Variants in AHI1 observed in about 807,000 individuals in gnomAD.
The protein encoded by AHI1 is jouberin.
A neutral mutation model predicts 149.3 loss-of-function variants in AHI1; 123 were observed. The ratio of observed to expected loss-of-function variants is 0.82; its 90% confidence interval spans 0.71 to 0.96. The LOEUF (loss-of-function observed/expected upper bound fraction) is 0.96, where lower values mean the gene tolerates loss of function less well. Ranked by LOEUF, AHI1 falls within the 40% of genes least tolerant of loss-of-function variation. The pLI is 0.00. For synonymous variants in AHI1, 475 were observed against 459.8 expected, an observed-to-expected ratio of 1.03 and a Z score of -0.42; for missense variants, 1,439 against 1,422.7, an observed-to-expected ratio of 1.01 and a Z score of -0.18.
intron 23 of AHI1, among the ~76,000 whole-genome samples, chr6:135,378,262 A>T (rs1235381299): frequency 6.6e-6 from 1 of 152,152 alleles, no homozygotes; most frequent in East Asian, 1.9e-4. Flanking sequence ...TTTATTCCCA[A>T]ATATTAGTCA....
intron 24 of AHI1, among the ~76,000 whole-genome samples, chr6:135,341,264 TAC>T (rs1293606681): frequency 5.9e-5 from 9 of 152,106 alleles, no homozygotes; most frequent in African/African-American, 2.2e-4. Flanking sequence ...GAAAAAGACA[TAC>T]CATGCAAATG....
At chr6:135,471,463 G>T (rs1791676769) in intron 5 of AHI1, among the ~76,000 whole-genome samples, 1 of 152,028 alleles carries the variant, frequency 6.6e-6, no homozygotes, top group African/African-American at 2.4e-5. Context: ...AGCTTTATGG[G>T]ATAAATTCCC....
chr6:135,420,520 T>C (rs1782999127), intron 20 of AHI1, among the ~76,000 whole-genome samples: 2 of 152,190 alleles, frequency 1.3e-5, no homozygotes. Context: ...GATAACTTGC[T>C]ACAGCTTCTA....
At chr6:135,397,773 T>C (rs192197081) in intron 22 of AHI1, among the ~76,000 whole-genome samples, 11 of 152,262 alleles carry the variant, frequency 7.2e-5, no homozygotes, top group Admixed American at 2.0e-4. Flanking sequence ...TTTCCATGTA[T>C]ACTTACAAGT....
chr6:135,483,953 C>T (rs540737832), intron 5 of AHI1, among the ~76,000 whole-genome samples: 17 of 152,260 alleles, frequency 1.1e-4, no homozygotes, highest in East Asian at 9.7e-4. Flanking sequence ...ATTTTCACAC[C>T]GCTGATAAAG....
chr6:135,348,555 AAAAAT>A lies in AHI1; in HGVS notation c.3165+9572_3165+9576del, dbSNP rs370562553. On this transcript the variant is annotated intron_variant, in intron 24 of 28. Transcript: ENST00000265602. ...TAACACTCCTCATGCAAAATTACTT[AAAAAT>A]AAAAACTTAAATTGCCTGCAGGAAA... Among the ~76,000 whole-genome samples the A allele has an allele frequency of 2.5e-3, 382 of 152,314 alleles. 5 individuals are homozygous for A. The highest frequency in any genetic ancestry group is 8.4e-3 in the African/African-American group (351 of 41,568).
chr6:135,484,076 T>C (rs887306655), intron 5 of AHI1, among the ~76,000 whole-genome samples: 13 of 151,820 alleles, frequency 8.6e-5, no homozygotes, highest in African/African-American at 3.2e-4. Context: ...AGTCACATCT[T>C]ACATGGATGG....
At chr6:135,481,428 C>T (rs551891085) in intron 5 of AHI1, among the ~76,000 whole-genome samples, 18 of 152,210 alleles carry the variant, frequency 1.2e-4, no homozygotes, top group African/African-American at 4.3e-4. Flanking sequence ...GGTTCAACAT[C>T]CCTAATTTAA....
rs753114452 is a variant in AHI1, at chr6:135,457,725, G to GA, written c.932-13dup. 6.0e-4 allele frequency: 948 copies of GA among 1,587,620 alleles called. 2 individuals carry two copies. The highest frequency in any genetic ancestry group is 6.6e-4 in the Non-Finnish European group (764 of 1,164,030). ...ATTATTATCTGCAACTACACGCATG[G>GA]AAAAAAAAATCAATGTTATAATTAG... On this transcript the variant is annotated splice_polypyrimidine_tract_variant and intron_variant, in intron 8 of 28. Transcript: ENST00000265602.
At chr6:135,420,864 T>TCTTAG (rs1783050694) in intron 20 of AHI1, among the ~76,000 whole-genome samples, 1 of 152,186 alleles carries the variant, frequency 6.6e-6, no homozygotes, top group African/African-American at 2.4e-5. Context: ...GGCACAAAAG[T>TCTTAG]CTTAGCCTTT....
chr6:135,304,857 G>A (rs1784356956), intron 26 of AHI1, among the ~76,000 whole-genome samples: 1 of 152,102 alleles, frequency 6.6e-6, no homozygotes, highest in South Asian at 2.1e-4. Context: ...CTTATCTGTG[G>A]GGCAGCATAA....
At chr6:135,319,420 A>G (rs1031705205) in intron 25 of AHI1, among the ~76,000 whole-genome samples, 1 of 152,216 alleles carries the variant, frequency 6.6e-6, no homozygotes, top group African/African-American at 2.4e-5. Context: ...GGTTGCAGTG[A>G]GCCAAGACAG....
At chr6:135,340,087 A>C (rs1054944558) in intron 24 of AHI1, among the ~76,000 whole-genome samples, 10 of 152,168 alleles carry the variant, frequency 6.6e-5, no homozygotes, top group Non-Finnish European at 1.5e-4. Context: ...GAAAAAAGGA[A>C]GGGGCCAGGT....
At chr6:135,361,872 G>C (rs1281611265) in intron 23 of AHI1, among the ~76,000 whole-genome samples, 1 of 151,818 alleles carries the variant, frequency 6.6e-6, no homozygotes, top group African/African-American at 2.4e-5. Flanking sequence ...GGTCTTTGAG[G>C]AACAAGTGGT....
chr6:135,365,653 C>T (rs979808761), intron 23 of AHI1, among the ~76,000 whole-genome samples: 4 of 152,170 alleles, frequency 2.6e-5, no homozygotes, highest in Non-Finnish European at 5.9e-5. Flanking sequence ...GATTTGTGTA[C>T]ATTGATTTTG....
chr6:135,472,046 A>AAAAAAAAAAAAAAAAT (rs1791822486), intron 5 of AHI1, among the ~76,000 whole-genome samples: 1 of 149,472 alleles, frequency 6.7e-6, no homozygotes, highest in Non-Finnish European at 1.5e-5. Flanking sequence ...AAAAAAAAAA[A>AAAAAAAAAAAAAAAAT]AAAGATATAG....
At chr6:135,360,776 G>T (rs545725370) in intron 23 of AHI1, among the ~76,000 whole-genome samples, 64 of 152,116 alleles carry the variant, frequency 4.2e-4, no homozygotes, top group Non-Finnish European at 8.8e-5. Context: ...GCATATATCC[G>T]AATGAACTCA....
intron 28 of AHI1, 120 bp downstream of exon 28, chr6:135,290,303 T>G: frequency 1.4e-6 from 1 of 699,316 alleles, no homozygotes; most frequent in Non-Finnish European, 2.5e-6. Flanking sequence ...AGATCCCAAA[T>G]GGGACTTGTC....
intron 22 of AHI1, among the ~76,000 whole-genome samples, chr6:135,398,209 T>C (rs1779526206): frequency 6.6e-6 from 1 of 152,024 alleles, no homozygotes; most frequent in Non-Finnish European, 1.5e-5. Context: ...TAATATAAAT[T>C]TTAAGAGTAG....
Sources: allele counts gnomAD v4.1 joint callset (sites outside exome capture counted in the v4.1 genomes callset), GRCh38; gene constraint gnomAD v4.1.1; transcripts MANE v1.5; gene names NCBI Gene and HGNC (gene_info 2026-07-23, HGNC 2026-07-21).